Variants in FHIT observed in about 807,000 individuals in gnomAD.
FHIT encodes the protein bis(5'-adenosyl)-triphosphatase.
FHIT carries 19 observed loss-of-function variants against 17.9 expected under a neutral mutation model. That is an observed-to-expected ratio of 1.06 (90% confidence interval 0.74 to 1.56). The LOEUF (loss-of-function observed/expected upper bound fraction) is 1.56. Ranked by LOEUF, FHIT falls within the 40% of genes most tolerant of loss-of-function variation. The probability of loss-of-function intolerance (pLI) is 0.00; values close to 1 mark genes in which losing one functional copy is unlikely to be tolerated. For synonymous variants in FHIT, 81 were observed against 69.7 expected (o/e 1.16, Z -0.81); for missense variants, 248 against 189.2 (o/e 1.31, Z -1.82).
intron 5 of FHIT, among the ~76,000 whole-genome samples, chr3:60,107,192 G>A (rs570043799): frequency 5.5e-4 from 30 of 54,880 alleles, no homozygotes; most frequent in African/African-American, 2.7e-3. Flanking sequence ...GGACTCTTTT[G>A]TGATGGTTGG....
At chr3:60,707,750 C>T (rs1364725943) in intron 4 of FHIT, among the ~76,000 whole-genome samples, 1 of 152,158 alleles carries the variant, frequency 6.6e-6, no homozygotes, top group African/African-American at 2.4e-5. Context: ...AAATAACACT[C>T]ACAGTTGGCA....
At chr3:60,394,988 C>T (rs564330966) in intron 5 of FHIT, among the ~76,000 whole-genome samples, 1 of 152,140 alleles carries the variant, frequency 6.6e-6, no homozygotes, top group Non-Finnish European at 1.5e-5. Context: ...AAGATCACTG[C>T]ATGAATCTGA....
chr3:60,019,517 C>T (rs1471549622), intron 5 of FHIT, among the ~76,000 whole-genome samples: 1 of 148,524 alleles, frequency 6.7e-6, no homozygotes, highest in East Asian at 2.1e-4. Flanking sequence ...TTCCTGGGTT[C>T]AAGTGATTCT....
chr3:60,105,269 T>G (rs1417226495), intron 5 of FHIT, among the ~76,000 whole-genome samples: 2 of 152,204 alleles, frequency 1.3e-5, no homozygotes, highest in Admixed American at 1.3e-4. Context: ...ATCTCAACTT[T>G]ATTTCAGAGA....
intron 5 of FHIT, among the ~76,000 whole-genome samples, chr3:60,356,920 G>A (rs1015633494): frequency 3.3e-5 from 5 of 152,120 alleles, no homozygotes; most frequent in Admixed American, 2.0e-4. Flanking sequence ...ACTGGGCCAG[G>A]TGCTTTACAT....
At chr3:60,983,332 G>C (rs889485271) in intron 3 of FHIT, among the ~76,000 whole-genome samples, 7 of 152,040 alleles carry the variant, frequency 4.6e-5, no homozygotes, top group African/African-American at 1.4e-4. Context: ...TAGATACAAG[G>C]GTATATTTCT....
chr3:59,806,723 T>C (rs13434367), intron 8 of FHIT, among the ~76,000 whole-genome samples: 10 of 12,196 alleles, frequency 8.2e-4, no homozygotes, highest in East Asian at 4.3e-3. Flanking sequence ...CATATGTATA[T>C]ACATATATAT....
intron 4 of FHIT, among the ~76,000 whole-genome samples, chr3:60,771,607 G>T (rs896383499): frequency 1.3e-5 from 2 of 152,094 alleles, no homozygotes; most frequent in African/African-American, 4.8e-5. Flanking sequence ...ACTGAATACA[G>T]TCATTTAAAA....
chr3:61,022,986 T>C (rs1246279386), intron 3 of FHIT, among the ~76,000 whole-genome samples: 1 of 152,204 alleles, frequency 6.6e-6, no homozygotes, highest in Non-Finnish European at 1.5e-5. Flanking sequence ...TTGGAAGTTC[T>C]GGCCAGGGCG....
chr3:59,995,509 T>C (rs1699469128), intron 7 of FHIT, among the ~76,000 whole-genome samples: 2 of 152,146 alleles, frequency 1.3e-5, no homozygotes, highest in African/African-American at 4.8e-5. Flanking sequence ...AAACTCACTT[T>C]CTGTTATTGT....
intron 3 of FHIT, among the ~76,000 whole-genome samples, chr3:61,037,519 A>C (rs2033316480): frequency 6.6e-6 from 1 of 152,210 alleles, no homozygotes; most frequent in Non-Finnish European, 1.5e-5. Flanking sequence ...TAATTAGCAC[A>C]TCAAATGCTA....
chr3:60,907,345 A>T (rs1405534849), intron 3 of FHIT, among the ~76,000 whole-genome samples: 1 of 152,230 alleles, frequency 6.6e-6, no homozygotes, highest in Non-Finnish European at 1.5e-5. Flanking sequence ...ACTGGGTCGG[A>T]ATCTTCAAAA....
At chr3:60,346,636 A>T in intron 5 of FHIT, among the ~76,000 whole-genome samples, 1 of 152,160 alleles carries the variant, frequency 6.6e-6, no homozygotes, top group East Asian at 1.9e-4. Flanking sequence ...CTCATCCTTC[A>T]AACTGTCTCC....
intron 5 of FHIT, among the ~76,000 whole-genome samples, chr3:60,213,949 AT>A (rs1703576607): frequency 6.6e-6 from 1 of 152,192 alleles, no homozygotes; most frequent in Non-Finnish European, 1.5e-5. Context: ...AGATTTTTAT[AT>A]GTGAAAAATG....
At chr3:60,312,620 C>G (rs187400597) in intron 5 of FHIT, among the ~76,000 whole-genome samples, 200 of 152,260 alleles carry the variant, frequency 1.3e-3, no homozygotes, top group Non-Finnish European at 2.5e-3. Flanking sequence ...ACCTGAGATT[C>G]TGCATTTCCA....
At chr3:60,831,448 C>T (rs1471142908) in intron 3 of FHIT, among the ~76,000 whole-genome samples, 2 of 152,110 alleles carry the variant, frequency 1.3e-5, no homozygotes, top group East Asian at 3.9e-4. Flanking sequence ...CTTCTAAAAT[C>T]TTCACTAACA....
intron 2 of FHIT, among the ~76,000 whole-genome samples, chr3:61,183,209 C>T (rs2038397436): frequency 6.6e-6 from 1 of 152,170 alleles, no homozygotes; most frequent in African/African-American, 2.4e-5. Context: ...CAATCAGATT[C>T]TCAATTCTCT....
chr3:60,733,059 T>C (rs2042065946), intron 4 of FHIT, among the ~76,000 whole-genome samples: 1 of 152,114 alleles, frequency 6.6e-6, no homozygotes, highest in African/African-American at 2.4e-5. Context: ...CTTCTGAAAA[T>C]GTATTTTTCA....
At chr3:60,782,986 TTTG>T (rs1222221447) in intron 4 of FHIT, among the ~76,000 whole-genome samples, 3 of 152,192 alleles carry the variant, frequency 2.0e-5, no homozygotes, top group Middle Eastern at 6.8e-3. Flanking sequence ...TGGGTTGTTT[TTTG>T]TTGTTGTTGT....
Sources: allele counts gnomAD v4.1 joint callset (sites outside exome capture counted in the v4.1 genomes callset), GRCh38; gene constraint gnomAD v4.1.1; transcripts MANE v1.5; gene names NCBI Gene and HGNC (gene_info 2026-07-23, HGNC 2026-07-21).